The following WDR19 variants were observed in gnomAD, a reference collection of about 807,000 sequenced individuals.
The protein encoded by WDR19 is WD repeat-containing protein 19.
In WDR19, 121 loss-of-function variants were observed where a neutral mutation model predicts 180.0. That is an observed-to-expected ratio of 0.67 (90% CI 0.58 to 0.78). The LOEUF (loss-of-function observed/expected upper bound fraction) is 0.78, where lower values mean the gene tolerates loss of function less well. Among genes scored for constraint, WDR19 ranks in the 30% least tolerant of loss-of-function variants. WDR19 has a pLI of 0.00. For synonymous variants in WDR19, 497 were observed against 540.7 expected, an observed-to-expected ratio of 0.92 and a Z score of 1.12; for missense variants, 1,450 against 1,640.7, an observed-to-expected ratio of 0.88 and a Z score of 2.01.
chr4:39,253,951 T>C lies in WDR19; in HGVS notation c.2922T>C (p.Leu974=). ...ACTATGGGTCTGCCATCCAGTTTCT[T>C]GTCATGTCCAAATGCAACAATGAAG... The part of the protein sequence containing the change: ...LGDYGSAIQF[L]VMSKCNNEAF... The change falls in exon 26 of 37, where the codon CTT becomes CTC. Residue 974 remains leucine, a synonymous_variant. Transcript: ENST00000399820. The C allele has an allele frequency of 6.2e-7, 1 of 1,611,628 alleles. No homozygotes were observed. Among genetic ancestry groups the C allele is most frequent in the Non-Finnish European group, 8.5e-7 (1 of 1,178,208 alleles).
At chr4:39,284,194 A>AAT (rs2109546508) in intron 36 of WDR19, among the ~76,000 whole-genome samples, 1 of 152,112 alleles carries the variant, frequency 6.6e-6, no homozygotes, top group Non-Finnish European at 1.5e-5. Flanking sequence ...GAACTCCAGT[A>AAT]ATATCTGTGT....
intron 15 of WDR19, among the ~76,000 whole-genome samples, chr4:39,225,807 TCCTTC>T (rs1185074379): frequency 1.3e-5 from 2 of 152,092 alleles, no homozygotes; most frequent in African/African-American, 4.8e-5. Flanking sequence ...TCCTTTCCTT[TCCTTC>T]CCTTCCCTTT....
At chr4:39,266,890 C>T (rs1239138749) in intron 29 of WDR19, among the ~76,000 whole-genome samples, 1 of 152,162 alleles carries the variant, frequency 6.6e-6, no homozygotes, top group Non-Finnish European at 1.5e-5. Context: ...TGGAGACTAG[C>T]CTGGCCAACA....
Position 39,284,250 on chromosome 4 carries a change from C to CT in WDR19, c.*14-1229dup, listed in dbSNP as rs200502339. Among the ~76,000 whole-genome samples the CT allele has an allele frequency of 6.7e-5, 10 of 148,272 alleles. No individual in the cohort carries two copies. In the East Asian group the frequency reaches 1.6e-3, roughly 23 times the overall value. On this transcript the variant is annotated intron_variant, in intron 36 of 36. Transcript: ENST00000399820. ...TCACTAAAGTTCTTTCCTCTGTCAT[C>CT]TTTTTTTTCTGTTCATATTGGATAA... is the stretch of plus-strand genomic sequence containing the variant.
At chr4:39,252,183 A>G (rs1300170098) in intron 24 of WDR19, among the ~76,000 whole-genome samples, 4 of 151,990 alleles carry the variant, frequency 2.6e-5, no homozygotes, top group Non-Finnish European at 5.9e-5. Context: ...CAGCCATAAA[A>G]AATGATGAGT....
At chr4:39,204,580 C>A (rs1176456025) in intron 7 of WDR19, among the ~76,000 whole-genome samples, 1 of 152,164 alleles carries the variant, frequency 6.6e-6, no homozygotes, top group African/African-American at 2.4e-5. Context: ...TGATAATGAG[C>A]CCAAATAAGT....
At chr4:39,262,263 C>T (rs971509314) in intron 28 of WDR19, among the ~76,000 whole-genome samples, 1 of 152,224 alleles carries the variant, frequency 6.6e-6, no homozygotes, top group Non-Finnish European at 1.5e-5. Flanking sequence ...CCACTTTTTT[C>T]CCCCCGTTTT....
chr4:39,227,219 G>T (rs763878919), intron 15 of WDR19, among the ~76,000 whole-genome samples: 1 of 152,082 alleles, frequency 6.6e-6, no homozygotes, highest in Non-Finnish European at 1.5e-5. Context: ...ACACAGCTTT[G>T]TAGTATGAAT....
chr4:39,253,892 G>A lies in WDR19; in HGVS notation c.2877-14G>A. On this transcript the variant is annotated splice_polypyrimidine_tract_variant and intron_variant, in intron 25 of 36. Coordinates refer to ENST00000399820, the MANE Select transcript of WDR19 (RefSeq NM_025132.4). ...TATATTAAGAGTCTAGCTAATTAAA[G>A]TACTTTGCTTTAGGTTTTTTCTACA... 1.3e-6 allele frequency: 2 copies of A among 1,585,676 alleles called. No homozygotes were observed. The highest frequency in any genetic ancestry group is 1.7e-6 in the Non-Finnish European group (2 of 1,165,432).
At chr4:39,186,478 C>CAAAA (rs71192831) in intron 2 of WDR19, 61 bp from the exon 3 acceptor site, 667 of 363,314 alleles carry the variant, frequency 1.8e-3, no homozygotes, top group South Asian at 4.4e-3. Context: ...GACTCTGTCT[C>CAAAA]AAAAAAAAAA....
At chr4:39,281,339 G>A (rs1010847149) in intron 36 of WDR19, among the ~76,000 whole-genome samples, 9 of 107,868 alleles carry the variant, frequency 8.3e-5, no homozygotes, top group African/African-American at 4.6e-4. Context: ...ATCTTGAAAT[G>A]ATTTTTGTTT....
At chr4:39,219,126 C>T (rs542080803) in intron 14 of WDR19, 1 of 152,168 alleles carries the variant, frequency 6.6e-6, no homozygotes, top group Admixed American at 6.5e-5. Context: ...TAGAAGTGCA[C>T]TCCAAAATAA....
chr4:39,204,078 G>GT (rs368834274), intron 7 of WDR19, among the ~76,000 whole-genome samples: 7,240 of 148,996 alleles, frequency 0.049, 532 homozygotes, highest in African/African-American at 0.16. Context: ...TTGTAGGCTT[G>GT]TTTTTTTTTG....
intron 23 of WDR19, 123 bp downstream of exon 23, chr4:39,244,675 C>T (rs1732327116): frequency 2.1e-6 from 2 of 944,562 alleles, no homozygotes; most frequent in Admixed American, 5.1e-5. Flanking sequence ...CTAGACCTAC[C>T]CTTCATCTCT....
Position 39,253,396 on chromosome 4 carries a change from T to C in WDR19, c.2876+104T>C, listed in dbSNP as rs1733438608. The C allele has an allele frequency of 3.1e-6, 4 of 1,295,610 alleles. No individual in the cohort carries two copies. The African/African-American group carries it at 4.6e-5, about 15-fold the overall frequency. The allele number at this position is 1,295,610 out of a possible 1,614,324, so 80.3% of individuals were successfully genotyped here. A position where few individuals can be genotyped will look rare whatever the true frequency, so the allele number is the denominator to read the frequency against. Reference sequence around the variant, plus strand: ...ATTAATTCAAAAGGAATATTTAGTCTTTATTTTTTTATCAGGTCTAAGCGT... The same window carrying C: ...ATTAATTCAAAAGGAATATTTAGTCCTTATTTTTTTATCAGGTCTAAGCGT... On this transcript the variant is annotated intron_variant, in intron 25 of 36. Transcript: ENST00000399820.
At chr4:39,191,232 G>A (rs147580153) in intron 4 of WDR19, among the ~76,000 whole-genome samples, 36 of 152,226 alleles carry the variant, frequency 2.4e-4, no homozygotes, top group African/African-American at 8.7e-4. Context: ...TTATTCAAAG[G>A]TCAATCTGTT....
chr4:39,194,484 A>G (rs958797269), intron 4 of WDR19, 60 bp from the exon 5 acceptor site: 3 of 1,081,700 alleles, frequency 2.8e-6, no homozygotes, highest in Non-Finnish European at 3.9e-6. Context: ...TACTTTTTTA[A>G]AGGACTGTTT....
At chr4:39,242,289 CTT>C (rs1732041197) in intron 21 of WDR19, among the ~76,000 whole-genome samples, 1 of 151,954 alleles carries the variant, frequency 6.6e-6, no homozygotes. Flanking sequence ...TTTTGTCTCA[CTT>C]TCTTTCCCAG....
chr4:39,245,263 T>C, intron 23 of WDR19, 106 bp from the exon 24 acceptor site: 1 of 902,562 alleles, frequency 1.1e-6, no homozygotes, highest in Non-Finnish European at 1.6e-6. Flanking sequence ...TTTTGAAAGA[T>C]AGTAATAACT....
Sources: allele counts gnomAD v4.1 joint callset (sites outside exome capture counted in the v4.1 genomes callset), GRCh38; gene constraint gnomAD v4.1.1; transcripts MANE v1.5; gene names NCBI Gene and HGNC (gene_info 2026-07-23, HGNC 2026-07-21).